CPO: variants seen among roughly 807,000 people sequenced by gnomAD.
The protein encoded by CPO is carboxypeptidase O.
CPO carries 43 observed loss-of-function variants against 41.2 expected under a neutral mutation model. That is an observed-to-expected ratio of 1.04 (90% CI 0.82 to 1.35). CPO has a LOEUF of 1.35. CPO is among the 40% of genes most tolerant of loss of function. CPO has a pLI of 0.00. For synonymous variants in CPO, 178 were observed against 162.7 expected, an observed-to-expected ratio of 1.09 and a Z score of -0.72; for missense variants, 408 against 451.7, an observed-to-expected ratio of 0.90 and a Z score of 0.88.
At position 206,967,069 on chromosome 2, in the gene CPO, C is replaced by T. The variant is rs570115902; in HGVS notation, c.778-1194C>T. On this transcript the variant is annotated intron_variant, in intron 7 of 8. Coordinates refer to ENST00000272852, the MANE Select transcript of CPO (RefSeq NM_173077.3). ...AGTCAGGAAGCCCTGAGGGGTAAGG[C>T]TTTGGCAGATCACAGTCCAGGCAGG... 4.9e-4 allele frequency among the ~76,000 whole-genome samples: 75 copies of T among 152,166 alleles called. 2 individuals carry two copies. The highest frequency in any genetic ancestry group is 1.5e-3 in the African/African-American group (61 of 41,510).
chr2:206,964,312 T>G (rs997033183), intron 7 of CPO, among the ~76,000 whole-genome samples: 4 of 152,242 alleles, frequency 2.6e-5, no homozygotes, highest in Non-Finnish European at 4.4e-5. Flanking sequence ...TTGCACTATA[T>G]GATCATTTTG....
chr2:206,939,691 A>G (rs1692994363), intron 1 of CPO, 24 bp downstream of exon 1: 1 of 1,588,108 alleles, frequency 6.3e-7, no homozygotes, highest in Non-Finnish European at 8.6e-7. Context: ...GGGAAGAGGA[A>G]CTGATTATTA....
chr2:206,960,755 A>C (rs1693463448), intron 5 of CPO, 97 bp from the exon 6 acceptor site: 1 of 873,696 alleles, frequency 1.1e-6, no homozygotes. Context: ...AGATAATCCT[A>C]GGAAACATTT....
chr2:206,950,865 A>G (rs1693247482), intron 2 of CPO, among the ~76,000 whole-genome samples: 1 of 139,692 alleles, frequency 7.2e-6, no homozygotes, highest in Non-Finnish European at 1.5e-5. Flanking sequence ...CATAAGTGGG[A>G]GTTGAATAGT....
At chr2:206,963,004 T>C (rs1024181912) in intron 7 of CPO, among the ~76,000 whole-genome samples, 8 of 152,244 alleles carry the variant, frequency 5.3e-5, no homozygotes, top group African/African-American at 1.9e-4. Flanking sequence ...TAGTGGAATA[T>C]GGCATATCTA....
At chr2:206,962,047 C>T (rs1042812618) in intron 6 of CPO, among the ~76,000 whole-genome samples, 1 of 142,938 alleles carries the variant, frequency 7.0e-6, no homozygotes, top group Non-Finnish European at 1.5e-5. Context: ...TTGCAGTGAG[C>T]AGAGATGGCA....
chr2:206,943,597 G>A (rs1246711796), intron 1 of CPO, among the ~76,000 whole-genome samples: 1 of 92,294 alleles, frequency 1.1e-5, no homozygotes, highest in African/African-American at 4.3e-5. Context: ...ATGTAACAAA[G>A]TCTTCAGGAA....
intron 1 of CPO, among the ~76,000 whole-genome samples, chr2:206,943,377 A>G (rs34394073): frequency 6.6e-6 from 1 of 151,850 alleles, no homozygotes; most frequent in East Asian, 1.9e-4. Context: ...AGTTAAAAGG[A>G]TATCCTCTTC....
At chr2:206,942,139 A>T (rs1241233435) in intron 1 of CPO, among the ~76,000 whole-genome samples, 2 of 152,170 alleles carry the variant, frequency 1.3e-5, no homozygotes, top group Non-Finnish European at 2.9e-5. Flanking sequence ...TTACTGTCAA[A>T]TAGTGTGCAA....
intron 7 of CPO, among the ~76,000 whole-genome samples, chr2:206,966,500 C>T (rs71429751): frequency 6.6e-6 from 1 of 152,164 alleles, no homozygotes; most frequent in African/African-American, 2.4e-5. Flanking sequence ...AGCAGCTACC[C>T]TGAATCCTGC....
chr2:206,945,887 G>A (rs981966772), intron 1 of CPO, among the ~76,000 whole-genome samples: 12 of 151,788 alleles, frequency 7.9e-5, no homozygotes, highest in African/African-American at 2.9e-4. Flanking sequence ...AGTCAGCCGA[G>A]ATCATGCCAT....
chr2:206,943,728 TGATAGATAGATAGATAGATAGATAGATA>T (rs68125401), intron 1 of CPO, among the ~76,000 whole-genome samples: 54 of 123,694 alleles, frequency 4.4e-4, no homozygotes, highest in African/African-American at 1.2e-3. Context: ...GATGGATAGA[TGATAGATAGATAGATAGATAGATAGATA>T]GATAGATAGA....
In CPO at chr2:206,969,298, C is replaced by T; in HGVS notation, c.987C>T (p.Thr329=). The change falls in exon 9 of 9, where the codon ACC becomes ACT. Residue 329 remains threonine (T), a synonymous_variant. Transcript: ENST00000272852. Reference sequence around the variant, plus strand: ...TGCCAGAAGCTCAGATCCAGCCCACCTGTGAGGAGACCATGGAGGCTGTGC... The same window carrying T: ...TGCCAGAAGCTCAGATCCAGCCCACTTGTGAGGAGACCATGGAGGCTGTGC... ...FVLPEAQIQP[T]CEETMEAVLS... 6.2e-7 allele frequency: 1 copy of T among 1,614,074 alleles called. No homozygotes were observed. The highest frequency in any genetic ancestry group is 1.1e-5 in the South Asian group (1 of 91,076).
At chr2:206,968,554 G>T (rs890869810) in intron 8 of CPO, among the ~76,000 whole-genome samples, 17 of 152,142 alleles carry the variant, frequency 1.1e-4, no homozygotes, top group Non-Finnish European at 2.2e-4. Context: ...AAAAGAAAAA[G>T]AATTAATGCG....
chr2:206,964,882 A>G (rs1041102965), intron 7 of CPO, among the ~76,000 whole-genome samples: 1 of 152,126 alleles, frequency 6.6e-6, no homozygotes, highest in African/African-American at 2.4e-5. Flanking sequence ...ATATTCCAGT[A>G]TTTTTCTTGG....
chr2:206,965,820 C>T (rs1693565321), intron 7 of CPO, among the ~76,000 whole-genome samples: 1 of 151,916 alleles, frequency 6.6e-6, no homozygotes, highest in African/African-American at 2.4e-5. Context: ...TTAGGAAGTA[C>T]CTATAAGCTG....
intron 2 of CPO, among the ~76,000 whole-genome samples, chr2:206,953,157 T>C (rs1693296995): frequency 6.6e-6 from 1 of 152,192 alleles, no homozygotes; most frequent in African/African-American, 2.4e-5. Flanking sequence ...TCTCATGTCA[T>C]CACATTTCAA....
rs1458535563 is a variant in CPO, at chr2:206,969,160, GT to G, written c.863-10del. The G allele has an allele frequency of 5.5e-5, 89 of 1,612,600 alleles. No individual in the cohort carries two copies. The highest frequency in any genetic ancestry group is 7.3e-5 in the Non-Finnish European group (86 of 1,178,806). Reference sequence around the variant, plus strand: ...GTATGACTTCTACCTCTGCCTTCATGTTTTCACCTGTAGATGCCTCATCAGG... The same window carrying G: ...GTATGACTTCTACCTCTGCCTTCATGTTTCACCTGTAGATGCCTCATCAGG... On this transcript the variant is annotated splice_polypyrimidine_tract_variant and intron_variant, in intron 8 of 8. Transcript: ENST00000272852.
Position 206,949,679 on chromosome 2 carries a change from C to T in CPO, c.131C>T (p.Thr44Met), listed in dbSNP as rs77913277. Residue 44 changes from threonine to methionine, a missense_variant, in exon 2 of 9, where the codon ACG (threonine) becomes ATG (methionine). Transcript: ENST00000272852. ...TCAGTGAGTCCATGGAGCCTGGAGA[C>T]GTATTCCTATAACATATACCACCCC... ...DKSVSPWSLE[T>M]YSYNIYHPMG... 50 of 1,612,962 alleles carry T rather than the reference C, an allele frequency of 3.1e-5. No individual in the cohort carries two copies. Among genetic ancestry groups the T allele is most frequent in the Non-Finnish European group, 3.5e-5 (41 of 1,179,114 alleles).
Sources: allele counts gnomAD v4.1 joint callset (sites outside exome capture counted in the v4.1 genomes callset), GRCh38; gene constraint gnomAD v4.1.1; transcripts MANE v1.5; gene names NCBI Gene and HGNC (gene_info 2026-07-23, HGNC 2026-07-21).